CGGBP1: variants seen among roughly 807,000 people sequenced by gnomAD.
CGGBP1 encodes CGG triplet repeat binding protein 1.
CGGBP1 carries 4 observed loss-of-function variants against 11.4 expected under a neutral mutation model. That is an observed-to-expected ratio of 0.35 (90% CI 0.17 to 0.80). The LOEUF (loss-of-function observed/expected upper bound fraction) is 0.80, where lower values mean the gene tolerates loss of function less well. Ranked by LOEUF, CGGBP1 falls within the 30% of genes least tolerant of loss-of-function variation. The pLI, the probability that CGGBP1 is intolerant of heterozygous loss-of-function variation, is 0.52. For missense variants in CGGBP1, 135 were observed against 202.1 expected, an observed-to-expected ratio of 0.67 and a Z score of 2.01; for synonymous variants, 76 against 74.1, an observed-to-expected ratio of 1.03 and a Z score of -0.13.
chr3:88,059,201 C>A (rs1559680718), upstream of CGGBP1: 15 of 1,451,896 alleles, frequency 1.0e-5, no homozygotes, highest in Non-Finnish European at 6.3e-6. Flanking sequence ...CGAGAGGCCC[C>A]TGTCCGGCTA....
intron 2 of CGGBP1, among the ~76,000 whole-genome samples, chr3:88,085,339 T>G (rs1361192820): frequency 6.6e-6 from 1 of 152,256 alleles, no homozygotes; most frequent in Non-Finnish European, 1.5e-5. Context: ...AATACATAAA[T>G]GGATGAACCT....
At chr3:88,124,820 A>T (rs1332229434) in intron 2 of CGGBP1, among the ~76,000 whole-genome samples, 1 of 151,720 alleles carries the variant, frequency 6.6e-6, no homozygotes, top group Non-Finnish European at 1.5e-5. Flanking sequence ...TTTTTTCTTA[A>T]CGCTTTAAGC....
At chr3:88,071,821 A>T (rs953060904) in intron 2 of CGGBP1, among the ~76,000 whole-genome samples, 11 of 152,034 alleles carry the variant, frequency 7.2e-5, no homozygotes, top group Non-Finnish European at 1.6e-4. Context: ...AAAATCAAAA[A>T]CACTTCCGTA....
chr3:88,070,501 GA>G (rs1415216768), intron 2 of CGGBP1, among the ~76,000 whole-genome samples: 1 of 144,388 alleles, frequency 6.9e-6, no homozygotes, highest in Non-Finnish European at 1.5e-5. Context: ...CAATAATTCA[GA>G]CATACCAAAA....
In CGGBP1 at chr3:88,057,267, A is replaced by C. The variant is rs1471175863; in HGVS notation, c.-100T>G. Reference sequence around the variant, plus strand: ...CAACGTATCAGACAGTCATGGATCCAGAAGATTAAACATTCCACAGAAATT... The same window carrying C: ...CAACGTATCAGACAGTCATGGATCCCGAAGATTAAACATTCCACAGAAATT... On this transcript the variant is annotated 5_prime_UTR_variant, in exon 3 of 4. Transcript: ENST00000482016. The C allele has an allele frequency of 6.6e-6, 1 of 152,220 alleles. No individual in the cohort carries two copies. Among genetic ancestry groups the C allele is most frequent in the Non-Finnish European group, 1.5e-5 (1 of 68,036 alleles). 9.4% of individuals were successfully genotyped at this position (152,220 alleles called of 1,614,324 possible).
intron 2 of CGGBP1, among the ~76,000 whole-genome samples, chr3:88,121,388 A>G (rs1410375943): frequency 6.6e-6 from 1 of 152,170 alleles, no homozygotes; most frequent in Non-Finnish European, 1.5e-5. Context: ...TGGCAACAGC[A>G]ATCATGTAAT....
chr3:88,144,701 A>G (rs577604249), intron 1 of CGGBP1: 1 of 152,540 alleles, frequency 6.6e-6, no homozygotes, highest in East Asian at 1.9e-4. Flanking sequence ...TTTCAAAAGG[A>G]ATTAGACATA....
intron 2 of CGGBP1, chr3:88,139,325 G>C (rs1390635839): frequency 6.2e-7 from 1 of 1,604,046 alleles, no homozygotes; most frequent in South Asian, 1.1e-5. Context: ...TATGTAACAA[G>C]GAATTTTTAG....
At chr3:88,110,664 C>T (rs141531864) in intron 2 of CGGBP1, among the ~76,000 whole-genome samples, 1 of 152,170 alleles carries the variant, frequency 6.6e-6, no homozygotes, top group East Asian at 1.9e-4. Flanking sequence ...ATTCATTCTG[C>T]ACCCTACAGA....
At position 88,066,919 on chromosome 3, in the gene CGGBP1, A is replaced by G. The variant is rs145944585; in HGVS notation, c.-228-8696T>C. On this transcript the variant is annotated intron_variant, in intron 2 of 3. Coordinates refer to the CGGBP1 transcript ENST00000462901. ...AATGACACATTAATTGTATATTAAT[A>G]TGTAATGTTAAAGATATTAGGAGAT... Among the ~76,000 whole-genome samples, 1,084 of 152,356 alleles carry G rather than the reference A, an allele frequency of 7.1e-3. 12 individuals are homozygous for G. The highest frequency in any genetic ancestry group is 0.024 in the African/African-American group (996 of 41,566).
intron 3 of CGGBP1, chr3:88,056,264 C>G (rs1379425940): frequency 3.5e-6 from 1 of 285,160 alleles, no homozygotes; most frequent in African/African-American, 2.2e-5. Context: ...AGAACTCAAA[C>G]TATCCCAGAT....
intron 2 of CGGBP1, among the ~76,000 whole-genome samples, chr3:88,089,263 G>A (rs1191081680): frequency 5.3e-5 from 8 of 150,108 alleles, no homozygotes; most frequent in East Asian, 2.0e-4. Context: ...AGGCCGAGGC[G>A]GGTGGATCAC....
At chr3:88,090,435 G>A (rs1327752844) in intron 2 of CGGBP1, among the ~76,000 whole-genome samples, 2 of 151,904 alleles carry the variant, frequency 1.3e-5, no homozygotes, top group African/African-American at 2.4e-5. Flanking sequence ...TAAAGAATAA[G>A]GATATAAAGA....
At chr3:88,076,115 C>T (rs544145179) in intron 2 of CGGBP1, among the ~76,000 whole-genome samples, 7 of 152,216 alleles carry the variant, frequency 4.6e-5, no homozygotes, top group East Asian at 1.9e-4. Context: ...AGGTAATCTC[C>T]CTGCTTTTTA....
rs528821183 is a variant in CGGBP1, at chr3:88,098,680, C to T, written c.-228-40457G>A. On this transcript the variant is annotated intron_variant, in intron 2 of 3. Coordinates refer to the CGGBP1 transcript ENST00000462901. ...TGGGATGCAAGGCTGGTTCAACATA[C>T]GAAAATCAATAAACGTAATCCAGCA... Among the ~76,000 whole-genome samples the T allele has an allele frequency of 1.0e-3, 157 of 152,154 alleles. 1 individual carries two copies. Among genetic ancestry groups the T allele is most frequent in the Middle Eastern group, 6.8e-3 (2 of 294 alleles).
At chr3:88,086,357 C>T in intron 2 of CGGBP1, 3 of 1,535,646 alleles carry the variant, frequency 2.0e-6, no homozygotes, top group Non-Finnish European at 2.6e-6. Flanking sequence ...GCATCATTCC[C>T]AGATGAATGT....
chr3:88,091,204 A>G (rs558799898), intron 2 of CGGBP1, among the ~76,000 whole-genome samples: 4 of 152,308 alleles, frequency 2.6e-5, no homozygotes, highest in African/African-American at 9.6e-5. Flanking sequence ...AAGCAACATA[A>G]TGACTGTACT....
intron 2 of CGGBP1, among the ~76,000 whole-genome samples, chr3:88,096,814 T>C (rs1704089872): frequency 6.6e-6 from 1 of 152,138 alleles, no homozygotes; most frequent in Non-Finnish European, 1.5e-5. Flanking sequence ...GTCCCCTAGT[T>C]TCCTAGTTTC....
At position 88,052,312 on chromosome 3, in the gene CGGBP1, A is replaced by T. The variant is rs1410231771; in HGVS notation, c.*3161T>A. On this transcript the variant is annotated 3_prime_UTR_variant, in exon 4 of 4. Transcript: ENST00000482016. ...CTAAAGCAATTTCTTTTAGGCTAAG[A>T]TTGGCAAAAAATCATAGACCCAATT... is the stretch of plus-strand genomic sequence containing the variant. The T allele has an allele frequency of 1.3e-5, 2 of 152,638 alleles. No individual in the cohort carries two copies. The highest frequency in any genetic ancestry group is 2.9e-5 in the Non-Finnish European group (2 of 68,026). 9.5% of individuals were successfully genotyped at this position (152,638 alleles called of 1,614,324 possible).
Sources: gnomAD v4.1 joint callset for allele counts (sites outside exome capture counted in the v4.1 genomes callset) on GRCh38, gnomAD v4.1.1 for gene constraint, MANE v1.5 for transcripts, NCBI Gene and HGNC (gene_info 2026-07-23, HGNC 2026-07-21) for gene names.